SUSD3: variants seen among roughly 807,000 people sequenced by gnomAD.
SUSD3 encodes the protein sushi domain-containing protein 3.
In SUSD3, 18 loss-of-function variants were observed where a neutral mutation model predicts 20.6. The ratio of observed to expected loss-of-function variants is 0.87; its 90% CI spans 0.60 to 1.30. The LOEUF (loss-of-function observed/expected upper bound fraction) is 1.30, where lower values mean the gene tolerates loss of function less well. Among genes scored for constraint, SUSD3 ranks in the 50% most tolerant of loss-of-function variants. The pLI, the probability that SUSD3 is intolerant of heterozygous loss-of-function variation, is 0.00. For synonymous variants in SUSD3, 137 were observed against 141.5 expected (o/e 0.97, Z 0.23); for missense variants, 306 against 346.9 (o/e 0.88, Z 0.94).
chr9:93,066,954 C>T (rs747093361), intron 1 of SUSD3, among the ~76,000 whole-genome samples: 7 of 151,326 alleles, frequency 4.6e-5, no homozygotes, highest in Admixed American at 2.6e-4. Flanking sequence ...GTGATCTGAC[C>T]GCCTTGGCCT....
In SUSD3 at chr9:93,077,842, A is replaced by C; in HGVS notation, c.278-4A>C. On this transcript the variant is annotated splice_region_variant and splice_polypyrimidine_tract_variant and intron_variant, in intron 2 of 4. Coordinates refer to ENST00000375472, the MANE Select transcript of SUSD3 (RefSeq NM_145006.4). Reference sequence around the variant, plus strand: ...CCAGGAGCTGGTGGTTGTCTCCCACACAGTGGTGCCACCACACGAGACCTT... The same window carrying C: ...CCAGGAGCTGGTGGTTGTCTCCCACCCAGTGGTGCCACCACACGAGACCTT... 1.9e-6 allele frequency: 3 copies of C among 1,614,094 alleles called. No individual in the cohort carries two copies. Among genetic ancestry groups the C allele is most frequent in the Non-Finnish European group, 1.7e-6 (2 of 1,179,982 alleles).
Position 93,077,890 on chromosome 9 carries a change from G to C in SUSD3, c.322G>C (p.Ala108Pro). 6.2e-7 allele frequency: 1 copy of C among 1,614,104 alleles called. No homozygotes were observed. The highest frequency in any genetic ancestry group is 1.3e-5 in the African/African-American group (1 of 75,028). Reference protein sequence around the residue: ...ETFGFKVAVIASIVSCAIILL... With the variant: ...ETFGFKVAVIPSIVSCAIILL... ...CTTTGGCTTCAAGGTGGCCGTGATC[G>C]CCTCCATTGTGAGCTGTGCCATCAT... The change falls in exon 3 of 5, where the codon GCC becomes CCC. Residue 108 changes from alanine (A) to proline (P), a missense_variant. By Grantham distance (27) the Ala-to-Pro change is conservative. Coordinates refer to ENST00000375472, the MANE Select transcript of SUSD3 (RefSeq NM_145006.4).
chr9:93,068,807 A>G (rs1357189415), intron 1 of SUSD3, among the ~76,000 whole-genome samples: 1 of 152,226 alleles, frequency 6.6e-6, no homozygotes, highest in African/African-American at 2.4e-5. Context: ...AGTAGATACA[A>G]TGTATCCAAG....
chr9:93,062,117 C>T (rs1051457283), intron 1 of SUSD3, among the ~76,000 whole-genome samples: 10 of 152,206 alleles, frequency 6.6e-5, no homozygotes, highest in Non-Finnish European at 1.3e-4. Context: ...TCAGGCTTGG[C>T]CCCCTCCGTA....
In SUSD3 at chr9:93,084,898, G is replaced by A; in HGVS notation, c.*151G>A. On this transcript the variant is annotated 3_prime_UTR_variant, in exon 5 of 5. Transcript: ENST00000375472. ...TCCAGGTGTAGGGACCCCTTGAGGG[G>A]CCGAGCTGACATCCAAGGCTGAGGA... The A allele has an allele frequency of 1.5e-6, 1 of 675,314 alleles. No individual in the cohort carries two copies. The highest frequency in any genetic ancestry group is 1.9e-5 in the African/African-American group (1 of 53,056). 41.8% of individuals were successfully genotyped at this position (675,314 alleles called of 1,614,324 possible).
intron 1 of SUSD3, among the ~76,000 whole-genome samples, chr9:93,059,335 C>T (rs1242143296): frequency 6.6e-6 from 1 of 152,208 alleles, no homozygotes; most frequent in Non-Finnish European, 1.5e-5. Flanking sequence ...AGGGGAGTGG[C>T]TGTCCGAGGT....
intron 1 of SUSD3, among the ~76,000 whole-genome samples, chr9:93,065,624 C>T (rs1167036503): frequency 6.6e-6 from 1 of 152,214 alleles, no homozygotes; most frequent in Non-Finnish European, 1.5e-5. Context: ...CCGTGGCTGC[C>T]CTGCTGTGTC....
At chr9:93,064,240 G>A (rs182000908) in intron 1 of SUSD3, among the ~76,000 whole-genome samples, 228 of 152,288 alleles carry the variant, frequency 1.5e-3, no homozygotes, top group African/African-American at 5.2e-3. Context: ...TAGAGACAGG[G>A]TTTCACCATG....
At chr9:93,071,744 G>A (rs1448600060) in intron 1 of SUSD3, among the ~76,000 whole-genome samples, 1 of 152,220 alleles carries the variant, frequency 6.6e-6, no homozygotes, top group African/African-American at 2.4e-5. Flanking sequence ...GTTCAGTCAC[G>A]TGACTGCTCC....
At chr9:93,065,021 T>C (rs192420621) in intron 1 of SUSD3, among the ~76,000 whole-genome samples, 1 of 152,180 alleles carries the variant, frequency 6.6e-6, no homozygotes, top group Non-Finnish European at 1.5e-5. Context: ...ATCAGCCCAG[T>C]GCCCAGACCG....
intron 1 of SUSD3, among the ~76,000 whole-genome samples, chr9:93,064,079 CACTT>C (rs1225293143): frequency 6.6e-6 from 1 of 152,104 alleles, no homozygotes; most frequent in African/African-American, 2.4e-5. Flanking sequence ...GACAGAGTCT[CACTT>C]TGTCAACCAG....
intron 4 of SUSD3, among the ~76,000 whole-genome samples, chr9:93,081,385 C>G (rs1180446464): frequency 1.3e-5 from 2 of 152,162 alleles, no homozygotes; most frequent in Non-Finnish European, 2.9e-5. Flanking sequence ...TGGTCCCAGC[C>G]CTCATGGCCT....
chr9:93,074,939 G>A (rs1421368467), intron 1 of SUSD3, among the ~76,000 whole-genome samples: 1 of 152,092 alleles, frequency 6.6e-6, no homozygotes, highest in Non-Finnish European at 1.5e-5. Flanking sequence ...TGTGGCTAAA[G>A]GTTCATATGC....
rs139471922 is a variant in SUSD3 at position 93,077,356 on chromosome 9, G to C, written c.278-490G>C. Among the ~76,000 whole-genome samples the C allele has an allele frequency of 8.7e-4, 133 of 152,124 alleles. 2 individuals carry two copies. Among genetic ancestry groups the C allele is most frequent in the African/African-American group, 2.3e-3 (96 of 41,488 alleles). ...TACTGTCTATTGTCACCTCCTCTCT[G>C]TGGCCCACCCTTCCTTCATTCCTCA... On this transcript the variant is annotated intron_variant, in intron 2 of 4. Coordinates refer to ENST00000375472, the MANE Select transcript of SUSD3 (RefSeq NM_145006.4).
At chr9:93,060,695 G>A (rs969124467) in intron 1 of SUSD3, among the ~76,000 whole-genome samples, 3 of 152,076 alleles carry the variant, frequency 2.0e-5, no homozygotes, top group African/African-American at 4.8e-5. Flanking sequence ...AATTAGCTGA[G>A]CATGGTGGCA....
intron 1 of SUSD3, among the ~76,000 whole-genome samples, chr9:93,060,174 G>C (rs1442419044): frequency 1.3e-5 from 2 of 152,218 alleles, no homozygotes; most frequent in African/African-American, 4.8e-5. Flanking sequence ...GCTTAGTCTG[G>C]CACCCTGTGC....
At chr9:93,059,247 T>G (rs1013041293) in intron 1 of SUSD3, among the ~76,000 whole-genome samples, 2 of 152,070 alleles carry the variant, frequency 1.3e-5, no homozygotes, top group Non-Finnish European at 2.9e-5. Context: ...TCTCTGCGCC[T>G]GAGGGAGGTG....
intron 4 of SUSD3, among the ~76,000 whole-genome samples, chr9:93,083,494 A>T (rs930019670): frequency 6.6e-6 from 1 of 152,226 alleles, no homozygotes; most frequent in East Asian, 1.9e-4. Context: ...TTTTTATTTC[A>T]TAAGTACTTC....
intron 1 of SUSD3, among the ~76,000 whole-genome samples, chr9:93,061,314 C>T (rs1303753526): frequency 6.6e-6 from 1 of 152,260 alleles, no homozygotes; most frequent in Non-Finnish European, 1.5e-5. Context: ...GAAACTGAGA[C>T]CCCGTGAATG....
Sources: gnomAD v4.1 joint callset for allele counts (sites outside exome capture counted in the v4.1 genomes callset) on GRCh38, gnomAD v4.1.1 for gene constraint, MANE v1.5 for transcripts, NCBI Gene and HGNC (gene_info 2026-07-23, HGNC 2026-07-21) for gene names.